The following EMG1 variants were observed in gnomAD, a reference collection of about 807,000 sequenced individuals.
EMG1 encodes the protein EMG1 N1-specific pseudouridine methyltransferase.
A neutral mutation model predicts 26.9 loss-of-function variants in EMG1; 24 were observed. The ratio of observed to expected loss-of-function variants is 0.89; its 90% confidence interval spans 0.65 to 1.26. The LOEUF (loss-of-function observed/expected upper bound fraction) is 1.26, where lower values mean the gene tolerates loss of function less well. Ranked by LOEUF, EMG1 falls within the 50% of genes most tolerant of loss-of-function variation. EMG1 has a pLI of 0.00. For missense variants in EMG1, 299 were observed against 307.6 expected (o/e 0.97, Z 0.21); for synonymous variants, 140 against 112.6 (o/e 1.24, Z -1.54).
downstream of EMG1, among the ~76,000 whole-genome samples, chr12:6,991,735 A>G (rs779885680): frequency 1.1e-3 from 170 of 152,228 alleles, no homozygotes; most frequent in Admixed American, 3.4e-3. Context: ...TAGTTTGTCT[A>G]TCATTCTTTC....
downstream of EMG1, among the ~76,000 whole-genome samples, chr12:6,983,974 C>T (rs1411648742): frequency 6.6e-6 from 1 of 152,144 alleles, no homozygotes; most frequent in Non-Finnish European, 1.5e-5. Context: ...GAAACCCCGT[C>T]TCTATTAAAA....
downstream of EMG1, chr12:6,981,731 A>AGGGGGGGTGGGGG: frequency 4.7e-6 from 1 of 210,736 alleles, no homozygotes; most frequent in South Asian, 4.1e-5. Flanking sequence ...CGGGGGGCGG[A>AGGGGGGGTGGGGG]GGGGGGGTGC....
Position 6,978,227 on chromosome 12 carries a change from G to T in EMG1, c.*2418G>T. ...TCAAAGTCAGTGTGAGCGACAGGGG[G>T]TTCTGCCCAGATGGGAAAGACGCAT... On this transcript the variant is annotated 3_prime_UTR_variant, in exon 6 of 6. Coordinates refer to ENST00000599672, the MANE Select transcript of EMG1 (RefSeq NM_006331.8). The T allele has an allele frequency of 1.6e-6, 2 of 1,263,788 alleles. No homozygotes were observed. Among genetic ancestry groups the T allele is most frequent in the East Asian group, 2.4e-5 (1 of 42,198 alleles). 78.3% of individuals were successfully genotyped at this position (1,263,788 alleles called of 1,614,324 possible). A position where few individuals can be genotyped will look rare whatever the true frequency, so the allele number is the denominator to read the frequency against.
chr12:6,992,809 A>G (rs1946601173), downstream of EMG1, among the ~76,000 whole-genome samples: 1 of 152,086 alleles, frequency 6.6e-6, no homozygotes, highest in Admixed American at 6.6e-5. Flanking sequence ...TGGTTCTAGT[A>G]CTCGCAGCAG....
At position 6,977,470 on chromosome 12, in the gene EMG1, AC is replaced by A; in HGVS notation, c.*1662del. On this transcript the variant is annotated 3_prime_UTR_variant, in exon 6 of 6. Coordinates refer to ENST00000599672, the MANE Select transcript of EMG1 (RefSeq NM_006331.8). This position sits in a 1 kb window ranked among gnomAD's most constrained non-coding sequence, Gnocchi z 4.5. ...CACCAAATAGTAGAAGGGCTGGAGG[AC>A]AGTAATGGCGGCCAGCTTGCTCAGG... The A allele has an allele frequency of 6.2e-7, 1 of 1,614,208 alleles. No individual in the cohort carries two copies. Among genetic ancestry groups the A allele is most frequent in the Non-Finnish European group, 8.5e-7 (1 of 1,180,036 alleles).
intron 1 of EMG1, 126 bp from the exon 2 acceptor site, chr12:6,974,213 T>G: frequency 1.4e-6 from 1 of 715,538 alleles, no homozygotes. Context: ...AGGGTGGGCC[T>G]GAGAATTTGC....
Position 6,977,943 on chromosome 12 carries a change from T to G in EMG1, c.*2134T>G. On this transcript the variant is annotated 3_prime_UTR_variant, in exon 6 of 6. Coordinates refer to ENST00000599672, the MANE Select transcript of EMG1 (RefSeq NM_006331.8). This position sits in a 1 kb window ranked among gnomAD's most constrained non-coding sequence, Gnocchi z 4.5. ...AGACCCAAGGCGGAGCTGGAGACCG[T>G]GTGCGCACGAGCCACTTGGTTCAGC... is the stretch of plus-strand genomic sequence containing the variant. 1.6e-6 allele frequency: 1 copy of G among 619,838 alleles called. No homozygotes were observed. Among genetic ancestry groups the G allele is most frequent in the Non-Finnish European group, 2.8e-6 (1 of 360,486 alleles). The allele number at this position is 619,838 out of a possible 1,614,324, so 38.4% of individuals were successfully genotyped here.
At chr12:6,989,344 CTG>C (rs1555155193), downstream of EMG1, among the ~76,000 whole-genome samples, 1 of 141,566 alleles carries the variant, frequency 7.1e-6, no homozygotes, top group South Asian at 2.3e-4. Flanking sequence ...GACAGAGTCT[CTG>C]TCGCCCAGGC....
In EMG1 at chr12:6,976,720, C is replaced by A. The variant is rs782370238; in HGVS notation, c.*911C>A. 53 of 160,184 alleles carry A rather than the reference C, an allele frequency of 3.3e-4. No homozygotes were observed. Among genetic ancestry groups the A allele is most frequent in the Non-Finnish European group, 6.6e-4 (48 of 72,442 alleles). The allele number at this position is 160,184 out of a possible 1,614,324, so 9.9% of individuals were successfully genotyped here. A position where few individuals can be genotyped will look rare whatever the true frequency, so the allele number is the denominator to read the frequency against. Reference sequence around the variant, plus strand: ...CGTGGGTGACAAAGCAAGACGCCTTCTCCAAAAAAAAGTTTCCCCTTTGGC... The same window carrying A: ...CGTGGGTGACAAAGCAAGACGCCTTATCCAAAAAAAAGTTTCCCCTTTGGC... On this transcript the variant is annotated 3_prime_UTR_variant, in exon 6 of 6. Coordinates refer to ENST00000599672, the MANE Select transcript of EMG1 (RefSeq NM_006331.8).
rs1946542356 is a variant in EMG1, at chr12:6,987,649, T to C, written c.*155-133T>C. On this transcript the variant is annotated intron_variant and NMD_transcript_variant, in intron 6 of 7. Coordinates refer to the EMG1 transcript ENST00000261406. The surrounding 1 kb of genome is among the most constrained non-coding windows in gnomAD (Gnocchi z 4.1). The stretch of plus-strand genomic sequence containing the variant: ...AGTAGATAATTATCTAGAGCACTCA[T>C]AAATAAGTTCTAGGTAGCTAAGTTT... The C allele has an allele frequency of 5.1e-6, 2 of 394,522 alleles. No individual in the cohort carries two copies. Among genetic ancestry groups the C allele is most frequent in the African/African-American group, 4.1e-5 (2 of 48,552 alleles). The allele number at this position is 394,522 out of a possible 1,614,324, so 24.4% of individuals were successfully genotyped here. A position where few individuals can be genotyped will look rare whatever the true frequency, so the allele number is the denominator to read the frequency against.
chr12:6,983,352 C>T (rs1045826161), downstream of EMG1: 217 of 911,704 alleles, frequency 2.4e-4, 1 homozygote, highest in Middle Eastern at 9.2e-4. Context: ...CTATTAGATT[C>T]TCTCAAGGAA....
Position 6,979,352 on chromosome 12 carries a change from A to G in EMG1, c.*3543A>G. On this transcript the variant is annotated 3_prime_UTR_variant, in exon 6 of 6. Coordinates refer to ENST00000599672, the MANE Select transcript of EMG1 (RefSeq NM_006331.8). ...CATTGACAACTCACAGATCTAGAGCAAAACCAACATGCACTTGTAGATGAT... is the reference window on the plus strand; with the variant it reads ...CATTGACAACTCACAGATCTAGAGCGAAACCAACATGCACTTGTAGATGAT... 1.3e-6 allele frequency: 1 copy of G among 765,568 alleles called. No individual in the cohort carries two copies. Among genetic ancestry groups the G allele is most frequent in the Non-Finnish European group, 2.2e-6 (1 of 457,784 alleles). The allele number at this position is 765,568 out of a possible 1,614,324, so 47.4% of individuals were successfully genotyped here.
downstream of EMG1, chr12:6,983,678 G>A: frequency 1.6e-6 from 1 of 615,504 alleles, no homozygotes; most frequent in Non-Finnish European, 2.9e-6. Context: ...GATGGCAACA[G>A]AGAAGGCAAT....
Position 6,975,279 on chromosome 12 carries a change from T to G in EMG1, c.522T>G (p.Val174=). ...SDHFPVGCMK[V]GTSFSIPVVS... is the part of the protein sequence containing the mutation. ...ACTTTCCAGTTGGATGTATGAAAGT[T>G]GGCACTTCTTTTTCCATCCCGGTTG... Residue 174 remains valine, a synonymous_variant, in exon 5 of 6, where the codon GTT becomes GTG. Transcript: ENST00000599672. The G allele has an allele frequency of 6.2e-7, 1 of 1,613,334 alleles. No homozygotes were observed. Among genetic ancestry groups the G allele is most frequent in the Non-Finnish European group, 8.5e-7 (1 of 1,179,508 alleles).
rs1264285013 is a variant in EMG1, at chr12:6,978,106, C to T, written c.*2297C>T. The T allele has an allele frequency of 1.7e-6, 1 of 571,880 alleles. No homozygotes were observed. Among genetic ancestry groups the T allele is most frequent in the African/African-American group, 1.9e-5 (1 of 52,642 alleles). The allele number at this position is 571,880 out of a possible 1,614,324, so 35.4% of individuals were successfully genotyped here. A position where few individuals can be genotyped will look rare whatever the true frequency, so the allele number is the denominator to read the frequency against. On this transcript the variant is annotated 3_prime_UTR_variant, in exon 6 of 6. Transcript: ENST00000599672. ...GGAGGACATAAGTCCATTGGCAGAG[C>T]TGGAGTAACACCCAGGTCTTAACGC...
chr12:6,990,117 A>G (rs936073429), downstream of EMG1, among the ~76,000 whole-genome samples: 2 of 151,690 alleles, frequency 1.3e-5, no homozygotes, highest in African/African-American at 4.8e-5. Flanking sequence ...GACAGAAGCT[A>G]CAATGAGCTA....
rs1946543240 is a variant in EMG1 at position 6,987,802 on chromosome 12, CCA to C, written c.*176_*177del. The C allele has an allele frequency of 2.0e-5, 8 of 400,572 alleles. No homozygotes were observed. The South Asian group carries it at 8.8e-4, about 44-fold the overall frequency. The allele number at this position is 400,572 out of a possible 1,614,324, so 24.8% of individuals were successfully genotyped here. A position where few individuals can be genotyped will look rare whatever the true frequency, so the allele number is the denominator to read the frequency against. ...TCTAGGTGTCTGGATCGTATCTATT[CCA>C]GAGTAAAGTCATGATGGCTTTATGA... On this transcript the variant is annotated 3_prime_UTR_variant and NMD_transcript_variant, in exon 7 of 8. Transcript: ENST00000261406. This position sits in a 1 kb window ranked among gnomAD's most constrained non-coding sequence, Gnocchi z 4.1.
At chr12:6,994,765 C>T (rs748097723) in intron 7 of EMG1, among the ~76,000 whole-genome samples, 163 of 152,328 alleles carry the variant, frequency 1.1e-3, no homozygotes, top group Non-Finnish European at 1.7e-3. Context: ...AATGTTCACT[C>T]TTACTTTCTG....
chr12:6,982,244 G>A (rs1032998681), downstream of EMG1, among the ~76,000 whole-genome samples: 1 of 152,096 alleles, frequency 6.6e-6, no homozygotes, highest in Admixed American at 6.5e-5. Flanking sequence ...TCACCATGTT[G>A]CCCGGGTTAG....
Sources: allele counts gnomAD v4.1 joint callset (sites outside exome capture counted in the v4.1 genomes callset), GRCh38; gene constraint gnomAD v4.1.1; non-coding constraint Gnocchi (gnomAD v3.1); transcripts MANE v1.5; gene names NCBI Gene and HGNC (gene_info 2026-07-23, HGNC 2026-07-21).